PAQR8: variants seen among roughly 807,000 people sequenced by gnomAD.
PAQR8 encodes the protein progestin and adipoQ receptor family member 8.
Under a neutral mutation model 25.2 loss-of-function variants are expected in PAQR8, and 17 were observed. The ratio of observed to expected loss-of-function variants is 0.67; its 90% CI spans 0.46 to 1.01. PAQR8 has a LOEUF of 1.01. Ranked by LOEUF, PAQR8 falls within the 50% of genes least tolerant of loss-of-function variation. The probability of loss-of-function intolerance (pLI) is 0.00; values close to 1 mark genes in which losing one functional copy is unlikely to be tolerated. For missense variants in PAQR8, 392 were observed against 448.4 expected (o/e 0.87, Z 1.14); for synonymous variants, 204 against 190.6 (o/e 1.07, Z -0.58).
At chr6:52,397,487 G>A (rs1391629516) in intron 1 of PAQR8, among the ~76,000 whole-genome samples, 1 of 152,180 alleles carries the variant, frequency 6.6e-6, no homozygotes, top group Non-Finnish European at 1.5e-5. Context: ...ACTTGTTTAT[G>A]TGTGTCATCT....
intron 1 of PAQR8, among the ~76,000 whole-genome samples, chr6:52,378,756 A>T (rs913616502): frequency 6.7e-6 from 1 of 149,906 alleles, no homozygotes; most frequent in Non-Finnish European, 1.5e-5. Flanking sequence ...GGGCCTCTGC[A>T]CTCCAGCCTG....
intron 1 of PAQR8, among the ~76,000 whole-genome samples, chr6:52,400,915 A>C (rs1262575756): frequency 2.6e-5 from 4 of 152,230 alleles, no homozygotes. Flanking sequence ...CATAGCAATA[A>C]AAATGACAGC....
chr6:52,383,660 CAAA>C (rs57004196), intron 1 of PAQR8, among the ~76,000 whole-genome samples: 4 of 128,070 alleles, frequency 3.1e-5, no homozygotes, highest in Admixed American at 7.9e-5. Flanking sequence ...GAGTCCGTCT[CAAA>C]AAAAAAAAAA....
intron 1 of PAQR8, among the ~76,000 whole-genome samples, chr6:52,390,163 C>G (rs1247811015): frequency 6.6e-6 from 1 of 152,210 alleles, no homozygotes; most frequent in Non-Finnish European, 1.5e-5. Flanking sequence ...CTGACTTCTC[C>G]CACTCGACAG....
intron 1 of PAQR8, among the ~76,000 whole-genome samples, chr6:52,394,571 C>T (rs940651586): frequency 1.3e-5 from 2 of 152,188 alleles, no homozygotes. Context: ...CAGCAGTAAC[C>T]TGCAGCTCCC....
chr6:52,404,304 A>T lies in PAQR8; in HGVS notation c.*26A>T. 6.5e-7 allele frequency: 1 copy of T among 1,528,152 alleles called. No individual in the cohort carries two copies. Among genetic ancestry groups the T allele is most frequent in the South Asian group, 1.2e-5 (1 of 81,960 alleles). The allele number at this position is 1,528,152 out of a possible 1,614,324, so 94.7% of individuals were successfully genotyped here. ...GGCTGGCAAGTGGGGCAACGTGTGG[A>T]GGAAGCCCCTCATAATTTGGAGAAA... On this transcript the variant is annotated 3_prime_UTR_variant, in exon 2 of 2. Coordinates refer to ENST00000442253, the MANE Select transcript of PAQR8 (RefSeq NM_133367.5).
rs1330202675 is a variant in PAQR8 at position 52,405,720 on chromosome 6, G to A, written c.*1442G>A. 6.0e-6 allele frequency: 1 copy of A among 166,738 alleles called. No individual in the cohort carries two copies. The highest frequency in any genetic ancestry group is 2.4e-5 in the African/African-American group (1 of 41,390). The allele number at this position is 166,738 out of a possible 1,614,324, so 10.3% of individuals were successfully genotyped here. A position where few individuals can be genotyped will look rare whatever the true frequency, so the allele number is the denominator to read the frequency against. The stretch of plus-strand genomic sequence containing the variant: ...AACTCCAGTTTGATGAACCTCCTCC[G>A]AGTTTACTTTATTGTCTTCAAATCT... On this transcript the variant is annotated 3_prime_UTR_variant, in exon 2 of 2. Transcript: ENST00000442253.
chr6:52,372,768 A>ATC (rs1562427309), intron 1 of PAQR8, among the ~76,000 whole-genome samples: 2 of 150,566 alleles, frequency 1.3e-5, no homozygotes, highest in Non-Finnish European at 3.0e-5. Flanking sequence ...ATATATATAT[A>ATC]TCTTCAGATT....
rs1763303838 is a variant in PAQR8 at position 52,362,616 on chromosome 6, G to C, written c.-53+367G>C. On this transcript the variant is annotated intron_variant, in intron 1 of 1. Coordinates refer to ENST00000442253, the MANE Select transcript of PAQR8 (RefSeq NM_133367.5). The surrounding 1 kb of genome is among the most constrained non-coding windows in gnomAD (Gnocchi z 4.1). ...GGGGGTGTGGGGACCGCGATGTTGG[G>C]AAGGCTGAGCCCGGAGGGCGGGAGA... The C allele has an allele frequency of 6.5e-6, 1 of 154,026 alleles. No homozygotes were observed. The highest frequency in any genetic ancestry group is 1.4e-5 in the Non-Finnish European group (1 of 69,564). The allele number at this position is 154,026 out of a possible 1,614,324, so 9.5% of individuals were successfully genotyped here.
chr6:52,363,191 C>T (rs946467743), intron 1 of PAQR8, among the ~76,000 whole-genome samples: 11 of 152,116 alleles, frequency 7.2e-5, no homozygotes, highest in Non-Finnish European at 1.6e-4. Flanking sequence ...GGCTGCTGCA[C>T]CTTGCCGACC....
intron 1 of PAQR8, among the ~76,000 whole-genome samples, chr6:52,393,345 T>TC (rs1763731903): frequency 1.4e-5 from 2 of 147,174 alleles, no homozygotes; most frequent in African/African-American, 5.0e-5. Flanking sequence ...TTTTTTTTTT[T>TC]TTTTTTTTGA....
Position 52,364,083 on chromosome 6 carries a change from G to GTTTTTTTTTTTTTTTTTTTTTTT in PAQR8, c.-53+1854_-53+1855insTTTTTTTTTTTTTTTTTTTTTTT, listed in dbSNP as rs67846872. On this transcript the variant is annotated intron_variant, in intron 1 of 1. Coordinates refer to ENST00000442253, the MANE Select transcript of PAQR8 (RefSeq NM_133367.5). Reference sequence around the variant, plus strand: ...AGTGGATATATCCATTGAAAGATATGTTTTTTTTTTTTTTTTTTTTGCGGG... The same window carrying GTTTTTTTTTTTTTTTTTTTTTTT: ...AGTGGATATATCCATTGAAAGATATGTTTTTTTTTTTTTTTTTTTTTTTTTTTTTTTTTTTTTTTTTTTGCGGG... Among the ~76,000 whole-genome samples, 5 of 84,266 alleles carry GTTTTTTTTTTTTTTTTTTTTTTT rather than the reference G, an allele frequency of 5.9e-5. 2 individuals carry two copies. The highest frequency in any genetic ancestry group is 1.1e-4 in the Non-Finnish European group (5 of 45,820). The allele number at this position is 84,266 out of a possible 152,430, so 55.3% of individuals were successfully genotyped here.
At chr6:52,372,303 T>A (rs185870396) in intron 1 of PAQR8, among the ~76,000 whole-genome samples, 3 of 152,306 alleles carry the variant, frequency 2.0e-5, no homozygotes, top group Non-Finnish European at 4.4e-5. Context: ...AGGTAATGAA[T>A]ATTGGAAGGA....
rs1004838806 is a variant in PAQR8, at chr6:52,406,456, C to T, written c.*2178C>T. ...GTGCACAGACCAGTGCCAATCTGAA[C>T]ATTGTTAATGGCCTGTGACATGATG... On this transcript the variant is annotated 3_prime_UTR_variant, in exon 2 of 2. Coordinates refer to ENST00000442253, the MANE Select transcript of PAQR8 (RefSeq NM_133367.5). 4.8e-6 allele frequency: 2 copies of T among 413,440 alleles called. No homozygotes were observed. The highest frequency in any genetic ancestry group is 8.8e-6 in the Non-Finnish European group (2 of 226,134). The allele number at this position is 413,440 out of a possible 1,614,324, so 25.6% of individuals were successfully genotyped here.
chr6:52,403,684 C>T lies in PAQR8; in HGVS notation c.471C>T (p.Gly157=). 1 of 1,614,216 alleles carries T rather than the reference C, an allele frequency of 6.2e-7. No individual in the cohort carries two copies. The highest frequency in any genetic ancestry group is 8.5e-7 in the Non-Finnish European group (1 of 1,180,044). ...DYVGVSVYQY[G]SALAHFFYSS... is the part of the protein sequence containing the mutation. ...TTGGCGTGAGCGTTTACCAATATGG[C>T]AGTGCTTTGGCTCATTTCTTCTACA... Residue 157 remains glycine, a synonymous_variant, in exon 2 of 2, where the codon GGC becomes GGT. Transcript: ENST00000442253.
rs1262568866 is a variant in PAQR8 at position 52,362,769 on chromosome 6, C to A, written c.-53+520C>A. 6.6e-6 allele frequency among the ~76,000 whole-genome samples: 1 copy of A among 152,054 alleles called. No homozygotes were observed. The highest frequency in any genetic ancestry group is 2.4e-5 in the African/African-American group (1 of 41,396). On this transcript the variant is annotated intron_variant, in intron 1 of 1. Transcript: ENST00000442253. This position sits in a 1 kb window ranked among gnomAD's most constrained non-coding sequence, Gnocchi z 4.1. ...AGGGGAGTGCGGAGGAGAGGAAGCC[C>A]GGGGCGGTAGGGAGAGCCCGAGGAA...
intron 1 of PAQR8, among the ~76,000 whole-genome samples, chr6:52,388,581 G>T (rs1026269191): frequency 6.6e-6 from 1 of 152,128 alleles, no homozygotes; most frequent in Non-Finnish European, 1.5e-5. Flanking sequence ...GAGCTCCCTT[G>T]CCTCTTCTGC....
intron 1 of PAQR8, among the ~76,000 whole-genome samples, chr6:52,398,516 T>C (rs1375067218): frequency 6.6e-6 from 1 of 151,264 alleles, no homozygotes; most frequent in Non-Finnish European, 1.5e-5. Flanking sequence ...CCTTAGAATT[T>C]TTCATGACCT....
intron 1 of PAQR8, among the ~76,000 whole-genome samples, chr6:52,381,686 ATTTC>A (rs1300273149): frequency 6.6e-6 from 1 of 152,210 alleles, no homozygotes; most frequent in Non-Finnish European, 1.5e-5. Flanking sequence ...CCAATGTTTG[ATTTC>A]TTTTAGTTCT....
Sources: gnomAD v4.1 joint callset for allele counts (sites outside exome capture counted in the v4.1 genomes callset) on GRCh38, gnomAD v4.1.1 for gene constraint, Gnocchi (gnomAD v3.1) non-coding constraint, MANE v1.5 for transcripts, NCBI Gene and HGNC (gene_info 2026-07-23, HGNC 2026-07-21) for gene names.